The following TMCC1 variants were observed in gnomAD, a reference collection of about 807,000 sequenced individuals.
TMCC1 encodes transmembrane and coiled-coil domains protein 1.
TMCC1 carries 15 observed loss-of-function variants against 52.4 expected under a neutral mutation model. The ratio of observed to expected loss-of-function variants is 0.29; its 90% CI spans 0.19 to 0.44. TMCC1 has a LOEUF of 0.44. Ranked by LOEUF, TMCC1 falls within the 20% of genes least tolerant of loss-of-function variation. The pLI is 1.00. For synonymous variants in TMCC1, 279 were observed against 301.9 expected (o/e 0.92, Z 0.79); for missense variants, 503 against 806.0 (o/e 0.62, Z 4.55).
chr3:129,731,629 T>G (rs1375688163), intron 4 of TMCC1, among the ~76,000 whole-genome samples: 2 of 151,736 alleles, frequency 1.3e-5, no homozygotes, highest in East Asian at 3.8e-4. Context: ...AGAGGGGAAC[T>G]TCATCATTTT....
At chr3:129,866,503 G>T (rs1025666860) in intron 2 of TMCC1, among the ~76,000 whole-genome samples, 1 of 149,714 alleles carries the variant, frequency 6.7e-6, no homozygotes, top group Non-Finnish European at 1.5e-5. Flanking sequence ...TCAGCCTCCC[G>T]AGTAGCTGGG....
chr3:129,820,636 G>A (rs1007026168), intron 4 of TMCC1, among the ~76,000 whole-genome samples: 12 of 152,220 alleles, frequency 7.9e-5, no homozygotes, highest in East Asian at 5.8e-4. Flanking sequence ...AAATGAAAAC[G>A]ACTGTAGAAA....
At chr3:129,841,090 A>C (rs2059404595) in intron 2 of TMCC1, among the ~76,000 whole-genome samples, 1 of 152,216 alleles carries the variant, frequency 6.6e-6, no homozygotes, top group Non-Finnish European at 1.5e-5. Flanking sequence ...TCCAGGCTGA[A>C]GTGGCCCAAG....
intron 5 of TMCC1, among the ~76,000 whole-genome samples, chr3:129,657,437 C>T (rs1560124702): frequency 6.6e-6 from 1 of 152,190 alleles, no homozygotes; most frequent in African/African-American, 2.4e-5. Flanking sequence ...AACAGAAGCT[C>T]AGAGAAGTTC....
intron 2 of TMCC1, among the ~76,000 whole-genome samples, chr3:129,835,978 T>A (rs867339779): frequency 5.9e-4 from 89 of 151,616 alleles, no homozygotes; most frequent in African/African-American, 1.3e-3. Flanking sequence ...AATCAATTTT[T>A]AAAAAAAAAT....
intron 4 of TMCC1, among the ~76,000 whole-genome samples, chr3:129,778,777 T>G (rs2055267979): frequency 6.6e-6 from 1 of 152,112 alleles, no homozygotes; most frequent in South Asian, 2.1e-4. Context: ...GCACTTCTCC[T>G]TCCTGCCATC....
intron 5 of TMCC1, among the ~76,000 whole-genome samples, chr3:129,657,955 T>C (rs1005768328): frequency 3.9e-5 from 6 of 152,254 alleles, no homozygotes; most frequent in African/African-American, 1.4e-4. Context: ...TGTACATGAA[T>C]GTTCACACCA....
chr3:129,763,204 TAAAAAATAAATA>T lies in TMCC1; in HGVS notation c.576+64587_576+64598del, dbSNP rs1196308376. Among the ~76,000 whole-genome samples the T allele has an allele frequency of 6.2e-4, 66 of 107,000 alleles. 4 individuals are homozygous for T. Among genetic ancestry groups the T allele is most frequent in the African/African-American group, 2.7e-3 (57 of 21,110 alleles). The allele number at this position is 107,000 out of a possible 152,430, so 70.2% of individuals were successfully genotyped here. On this transcript the variant is annotated intron_variant, in intron 4 of 6. Transcript: ENST00000393238. ...CAGAGCAAGACTCTGTCTCAAAAAA[TAAAAAATAAATA>T]AATAAATAAATAAATAAATAAATAA...
Position 129,663,776 on chromosome 3 carries a change from AC to A in TMCC1, c.1511+6553del, listed in dbSNP as rs202124290. Among the ~76,000 whole-genome samples, 412 of 152,302 alleles carry A rather than the reference AC, an allele frequency of 2.7e-3. 7 individuals carry two copies. The highest frequency in any genetic ancestry group is 8.9e-3 in the East Asian group (46 of 5,194). ...GACAGCTTTCTAACATTCTGGCACAACCCAGATCTTTGTATTCCCCTAGAAA... is the reference window on the plus strand; with the variant it reads ...GACAGCTTTCTAACATTCTGGCACAACCAGATCTTTGTATTCCCCTAGAAA... On this transcript the variant is annotated intron_variant, in intron 5 of 6. Transcript: ENST00000393238.
intron 4 of TMCC1, among the ~76,000 whole-genome samples, chr3:129,701,274 C>G (rs2047808803): frequency 6.6e-6 from 1 of 152,196 alleles, no homozygotes. Context: ...ACAAAGAAGG[C>G]ATTAAGAATA....
intron 4 of TMCC1, among the ~76,000 whole-genome samples, chr3:129,711,937 G>A (rs1315726298): frequency 7.0e-6 from 1 of 143,654 alleles, no homozygotes; most frequent in Non-Finnish European, 1.5e-5. Flanking sequence ...AGGAGGCAGA[G>A]GTTGTAGTGA....
intron 1 of TMCC1, chr3:129,892,632 C>A (rs541859784): frequency 6.6e-6 from 1 of 152,100 alleles, no homozygotes; most frequent in Non-Finnish European, 1.5e-5. Context: ...CCAACACTAA[C>A]GTGTAACGTG....
At chr3:129,672,155 A>G (rs2088003291) in intron 4 of TMCC1, among the ~76,000 whole-genome samples, 1 of 152,206 alleles carries the variant, frequency 6.6e-6, no homozygotes, top group Non-Finnish European at 1.5e-5. Context: ...CTCAGATTTA[A>G]AAGCATAAAT....
chr3:129,874,861 AT>A (rs1193832267), intron 2 of TMCC1, among the ~76,000 whole-genome samples: 8 of 152,232 alleles, frequency 5.3e-5, no homozygotes, highest in African/African-American at 1.9e-4. Context: ...CTCTAAAAAA[AT>A]AAATAAAATA....
At chr3:129,820,353 A>T (rs2058357074) in intron 4 of TMCC1, among the ~76,000 whole-genome samples, 1 of 151,816 alleles carries the variant, frequency 6.6e-6, no homozygotes, top group Non-Finnish European at 1.5e-5. Context: ...TGCCTGGATC[A>T]AAAAATGTTA....
intron 4 of TMCC1, among the ~76,000 whole-genome samples, chr3:129,824,138 C>G (rs528325872): frequency 3.3e-5 from 5 of 152,060 alleles, no homozygotes; most frequent in Non-Finnish European, 7.4e-5. Flanking sequence ...GAGTTTGAGA[C>G]CAGCGTGGCC....
At chr3:129,822,578 C>T (rs951417079) in intron 4 of TMCC1, among the ~76,000 whole-genome samples, 1 of 152,158 alleles carries the variant, frequency 6.6e-6, no homozygotes, top group Non-Finnish European at 1.5e-5. Flanking sequence ...TTCCTTTCCC[C>T]TTTTCTTATT....
rs1577170517 is a variant in TMCC1, at chr3:129,872,269, G to A, written c.-184+8040C>T. Among the ~76,000 whole-genome samples, 3 of 152,260 alleles carry A rather than the reference G, an allele frequency of 2.0e-5. No homozygotes were observed. In the South Asian group the frequency reaches 6.2e-4, roughly 32 times the overall value. ...TCTCTTTCCTAGACACACTTGGAGT[G>A]AGGGGCAGCACTATAAATCCCAGTG... On this transcript the variant is annotated intron_variant, in intron 2 of 6. Transcript: ENST00000393238.
chr3:129,860,543 G>C (rs558784838), intron 2 of TMCC1, among the ~76,000 whole-genome samples: 25 of 152,136 alleles, frequency 1.6e-4, no homozygotes, highest in Admixed American at 5.9e-4. Flanking sequence ...AAAATTATCA[G>C]AGAAATTATA....
Sources: allele counts gnomAD v4.1 joint callset (sites outside exome capture counted in the v4.1 genomes callset), GRCh38; gene constraint gnomAD v4.1.1; transcripts MANE v1.5; gene names NCBI Gene and HGNC (gene_info 2026-07-23, HGNC 2026-07-21).